The following IDH3A variants were observed in gnomAD, a reference collection of about 807,000 sequenced individuals.
The protein encoded by IDH3A is isocitrate dehydrogenase (NAD(+)) 3 catalytic subunit alpha, also known as isocitrate dehydrogenase [NAD] subunit alpha, mitochondrial.
Under a neutral mutation model 43.3 loss-of-function variants are expected in IDH3A, and 23 were observed. The observed-to-expected ratio is 0.53, with a 90% CI of 0.38 to 0.75. The LOEUF (loss-of-function observed/expected upper bound fraction) is 0.75, where lower values mean the gene tolerates loss of function less well. Ranked by LOEUF, IDH3A falls within the 30% of genes least tolerant of loss-of-function variation. IDH3A has a pLI of 0.00. For synonymous variants in IDH3A, 154 were observed against 163.5 expected, an observed-to-expected ratio of 0.94 and a Z score of 0.44; for missense variants, 329 against 474.4, an observed-to-expected ratio of 0.69 and a Z score of 2.85.
chr15:78,161,530 G>GT lies in IDH3A; in HGVS notation c.290-50dup. Reference sequence around the variant, plus strand: ...GCCGAGGTGGGTTAGTAGGTCACACGTGAGACCAGAATTCCTTCTAGTGTC... The same window carrying GT: ...GCCGAGGTGGGTTAGTAGGTCACACGTTGAGACCAGAATTCCTTCTAGTGTC... On this transcript the variant is annotated intron_variant, in intron 4 of 10. Transcript: ENST00000299518. This position sits in a 1 kb window ranked among gnomAD's most constrained non-coding sequence, Gnocchi z 4.8. 1 of 1,514,392 alleles carries GT rather than the reference G, an allele frequency of 6.6e-7. No homozygotes were observed. Among genetic ancestry groups the GT allele is most frequent in the Non-Finnish European group, 9.1e-7 (1 of 1,104,876 alleles). The allele number at this position is 1,514,392 out of a possible 1,614,324, so 93.8% of individuals were successfully genotyped here.
chr15:78,165,179 T>TCAAAA, intron 9 of IDH3A, 103 bp downstream of exon 9: 2 of 755,480 alleles, frequency 2.6e-6, no homozygotes, highest in South Asian at 3.0e-5. Flanking sequence ...TTTCAAATTG[T>TCAAAA]CAAAACAAAA....
At position 78,171,566 on chromosome 15, in the gene IDH3A, G is replaced by C. The variant is rs1226255113; in HGVS notation, c.*2561G>C. On this transcript the variant is annotated 3_prime_UTR_variant, in exon 11 of 11. Coordinates refer to ENST00000299518, the MANE Select transcript of IDH3A (RefSeq NM_005530.3). ...ATGAGAAGAAATGAGTGAGGCCCAGGCTCTGAGAACTCTGAGAATGTGTGT... is the reference window on the plus strand; with the variant it reads ...ATGAGAAGAAATGAGTGAGGCCCAGCCTCTGAGAACTCTGAGAATGTGTGT... The C allele has an allele frequency of 1.3e-6, 2 of 1,553,020 alleles. No individual in the cohort carries two copies. The highest frequency in any genetic ancestry group is 2.7e-5 in the African/African-American group (2 of 73,682).
chr15:78,149,385 G>T lies in IDH3A; in HGVS notation c.-19G>T, dbSNP rs1480336443. 2.0e-6 allele frequency: 3 copies of T among 1,538,256 alleles called. No individual in the cohort carries two copies. Among genetic ancestry groups the T allele is most frequent in the Admixed American group, 1.9e-5 (1 of 52,950 alleles). On this transcript the variant is annotated 5_prime_UTR_variant, in exon 1 of 11. Coordinates refer to ENST00000299518, the MANE Select transcript of IDH3A (RefSeq NM_005530.3). ...GCACTGCCGCTGCGGCTGTTGCTGC[G>T]GAGCCAGGAGGGGAAGCGATGGCTG... is the stretch of plus-strand genomic sequence containing the variant.
In IDH3A at chr15:78,161,097, G is replaced by T. The variant is rs937817977; in HGVS notation, c.290-484G>T. ...GGGTTTCCCCATGTTGGCCAGGCTG[G>T]TCTTGGACTCCTGACCTCAAGCGAT... On this transcript the variant is annotated intron_variant, in intron 4 of 10. Transcript: ENST00000299518. This position sits in a 1 kb window ranked among gnomAD's most constrained non-coding sequence, Gnocchi z 4.8. Among the ~76,000 whole-genome samples the T allele has an allele frequency of 1.3e-5, 2 of 151,248 alleles. No individual in the cohort carries two copies. Among genetic ancestry groups the T allele is most frequent in the African/African-American group, 4.9e-5 (2 of 41,106 alleles).
rs955728402 is a variant in IDH3A, at chr15:78,162,428, G to A, written c.611+61G>A. On this transcript the variant is annotated intron_variant, in intron 6 of 10. Transcript: ENST00000299518. ...TTTGTTGTGGGAGAGCAGTGACAGG[G>A]CTTCCCTTTCTCCTCTTCAGCTTGT... The A allele has an allele frequency of 5.2e-5, 82 of 1,578,344 alleles. No individual in the cohort carries two copies. In the African/African-American group the frequency reaches 1.0e-3, roughly 20 times the overall value.
At chr15:78,150,186 G>A (rs1293840742) in intron 1 of IDH3A, among the ~76,000 whole-genome samples, 1 of 152,194 alleles carries the variant, frequency 6.6e-6, no homozygotes, top group African/African-American at 2.4e-5. Flanking sequence ...GCCAGAGCTG[G>A]AAAGGGTTTC....
chr15:78,152,989 C>T (rs1264813116), intron 1 of IDH3A, among the ~76,000 whole-genome samples: 1 of 152,034 alleles, frequency 6.6e-6, no homozygotes, highest in Non-Finnish European at 1.5e-5. Context: ...CTAGATACAA[C>T]AGTGAACAAA....
At chr15:78,164,860 C>T (rs2074721983) in intron 8 of IDH3A, 132 bp from the exon 9 acceptor site, 2 of 687,274 alleles carry the variant, frequency 2.9e-6, no homozygotes, top group African/African-American at 3.6e-5. Context: ...AACCTTTGCC[C>T]TGGAATCAGC....
chr15:78,165,807 G>C (rs1826175051), intron 9 of IDH3A, among the ~76,000 whole-genome samples: 1 of 152,068 alleles, frequency 6.6e-6, no homozygotes, highest in Non-Finnish European at 1.5e-5. Context: ...TCCTGCCTCA[G>C]CCTCCCAAGT....
At chr15:78,160,348 G>A (rs1366768402) in intron 4 of IDH3A, 142 bp downstream of exon 4, 1 of 579,316 alleles carries the variant, frequency 1.7e-6, no homozygotes, top group Non-Finnish European at 3.1e-6. Flanking sequence ...ACTACTCATA[G>A]TAAGATGTTT....
At position 78,157,643 on chromosome 15, in the gene IDH3A, T is replaced by TA; in HGVS notation, c.174+18dup. On this transcript the variant is annotated intron_variant, in intron 3 of 10. Transcript: ENST00000299518. ...TTGATGCTGCCAAAGTAAGTGGGCT[T>TA]AAAAAATACATTTAATGATGACTCA... The TA allele has an allele frequency of 6.3e-7, 1 of 1,587,226 alleles. No individual in the cohort carries two copies. Among genetic ancestry groups the TA allele is most frequent in the Non-Finnish European group, 8.6e-7 (1 of 1,158,116 alleles).
intron 2 of IDH3A, among the ~76,000 whole-genome samples, chr15:78,156,641 A>G (rs1456441433): frequency 6.6e-6 from 1 of 152,250 alleles, no homozygotes; most frequent in Non-Finnish European, 1.5e-5. Flanking sequence ...TTAAAAATGC[A>G]GTTCAAGCAA....
At chr15:78,164,016 ACT>A (rs1209479674) in intron 8 of IDH3A, among the ~76,000 whole-genome samples, 6 of 151,836 alleles carry the variant, frequency 4.0e-5, no homozygotes, top group Non-Finnish European at 8.8e-5. Context: ...TTATTAGGTC[ACT>A]CTTCCCAGTT....
intron 6 of IDH3A, among the ~76,000 whole-genome samples, chr15:78,162,616 G>A (rs2074695700): frequency 6.7e-6 from 1 of 149,802 alleles, no homozygotes; most frequent in African/African-American, 2.5e-5. Flanking sequence ...CGCGATCTTG[G>A]CTCACTGCAA....
Position 78,160,196 on chromosome 15 carries a change from G to A in IDH3A, c.279G>A (p.Met93Ile), listed in dbSNP as rs1302221766. The stretch of plus-strand genomic sequence containing the variant: ...AAGAGTCCATGGATAAGAACAAGAT[G>A]GGCTTGAAAGGTAGCACTGAAGTAG... ...EAKESMDKNK[M>I]GLKGPLKTPI... Residue 93 changes from methionine (M) to isoleucine (I), a missense_variant, in exon 4 of 11, where the codon ATG (methionine) becomes ATA (isoleucine). By Grantham distance (10) the Met-to-Ile change is conservative. Coordinates refer to ENST00000299518, the MANE Select transcript of IDH3A (RefSeq NM_005530.3). The A allele has an allele frequency of 1.9e-6, 3 of 1,580,810 alleles. No homozygotes were observed. Among genetic ancestry groups the A allele is most frequent in the Non-Finnish European group, 2.6e-6 (3 of 1,149,590 alleles).
At chr15:78,167,590 C>T (rs1392150765) in intron 10 of IDH3A, 1 of 152,090 alleles carries the variant, frequency 6.6e-6, no homozygotes, top group Non-Finnish European at 1.5e-5. Context: ...GTAATGTAAC[C>T]ATCACCATCA....
chr15:78,149,438 C>G lies in IDH3A; in HGVS notation c.27+8C>G, dbSNP rs751165193. Reference sequence around the variant, plus strand: ...CCCGCGTGGATCTCTAAGGTGAGCGCTGGCAGGCCGGCGTGTGGCAGGCAG... The same window carrying G: ...CCCGCGTGGATCTCTAAGGTGAGCGGTGGCAGGCCGGCGTGTGGCAGGCAG... On this transcript the variant is annotated splice_region_variant and intron_variant, in intron 1 of 10. Coordinates refer to ENST00000299518, the MANE Select transcript of IDH3A (RefSeq NM_005530.3). 8 of 1,540,438 alleles carry G rather than the reference C, an allele frequency of 5.2e-6. No homozygotes were observed. In the African/African-American group the frequency reaches 1.0e-4, roughly 19 times the overall value.
At chr15:78,163,823 T>G (rs1163718978) in intron 8 of IDH3A, 43 bp downstream of exon 8, 1 of 1,225,596 alleles carries the variant, frequency 8.2e-7, no homozygotes, top group Non-Finnish European at 1.2e-6. Flanking sequence ...TATGATTTAC[T>G]TATAAACATC....
Position 78,163,583 on chromosome 15 carries a change from A to G in IDH3A, c.688A>G (p.Met230Val), listed in dbSNP as rs1193223447. Reference sequence around the variant, plus strand: ...CTGTAAAGATATTAAATTTAATGAGATGTACCTTGATACAGTATGTTTGAA... The same window carrying G: ...CTGTAAAGATATTAAATTTAATGAGGTGTACCTTGATACAGTATGTTTGAA... ...ESCKDIKFNEMYLDTVCLNMV... is the reference protein window; with the variant it reads ...ESCKDIKFNEVYLDTVCLNMV... The change falls in exon 7 of 11, where the codon ATG becomes GTG. Residue 230 changes from methionine to valine, a missense_variant. Physicochemically the swap from Met to Val is conservative, Grantham distance 21. Transcript: ENST00000299518. 1 of 1,608,936 alleles carries G rather than the reference A, an allele frequency of 6.2e-7. No individual in the cohort carries two copies.
Sources: allele counts gnomAD v4.1 joint callset (sites outside exome capture counted in the v4.1 genomes callset), GRCh38; gene constraint gnomAD v4.1.1; non-coding constraint Gnocchi (gnomAD v3.1); transcripts MANE v1.5; gene names NCBI Gene and HGNC (gene_info 2026-07-23, HGNC 2026-07-21).